Variants in POFUT3 observed in about 807,000 individuals in gnomAD.
POFUT3 encodes protein O-fucosyltransferase 3.
At chr8:33,454,373 C>T in the POFUT3 span, among the ~76,000 whole-genome samples, 3 of 152,154 alleles carry the variant, frequency 2.0e-5, no homozygotes, top group Admixed American at 6.6e-5. Context: ...CTGATATCAC[C>T]TCTTCTCTCT....
the POFUT3 span, among the ~76,000 whole-genome samples, chr8:33,470,088 C>A: frequency 2.0e-5 from 3 of 151,532 alleles, no homozygotes; most frequent in African/African-American, 7.3e-5. Flanking sequence ...CCATGGCGCC[C>A]GGCAAGAAGC....
the POFUT3 span, among the ~76,000 whole-genome samples, chr8:33,385,640 G>T: frequency 2.0e-5 from 3 of 152,100 alleles, no homozygotes; most frequent in African/African-American, 7.2e-5. Flanking sequence ...CTGGCACTTT[G>T]GGAGGCCAAG....
chr8:33,401,700 A>G, the POFUT3 span, among the ~76,000 whole-genome samples: 1 of 152,078 alleles, frequency 6.6e-6, no homozygotes, highest in Admixed American at 6.6e-5. Context: ...TATTCTCCCA[A>G]TTATTCCACT....
the POFUT3 span, among the ~76,000 whole-genome samples, chr8:33,376,061 G>C: frequency 3.3e-5 from 5 of 151,608 alleles, no homozygotes; most frequent in African/African-American, 4.8e-5. Context: ...AGAAACATTG[G>C]GTAAATACCA....
chr8:33,330,958 G>C, the POFUT3 span, among the ~76,000 whole-genome samples: 1 of 152,018 alleles, frequency 6.6e-6, no homozygotes, highest in Non-Finnish European at 1.5e-5. Context: ...TAATCCCAGC[G>C]CCCAGCATGC....
chr8:33,365,792 T>G, the POFUT3 span, among the ~76,000 whole-genome samples: 1 of 152,222 alleles, frequency 6.6e-6, no homozygotes, highest in Non-Finnish European at 1.5e-5. Context: ...ATAGGAATGC[T>G]TTTACACTGT....
At chr8:33,344,220 A>T in the POFUT3 span, among the ~76,000 whole-genome samples, 2 of 152,112 alleles carry the variant, frequency 1.3e-5, no homozygotes, top group Non-Finnish European at 2.9e-5. Context: ...AAAAATGTCA[A>T]GTCTGGATAC....
chr8:33,311,138 T>C, the POFUT3 span, among the ~76,000 whole-genome samples: 1 of 152,248 alleles, frequency 6.6e-6, no homozygotes, highest in African/African-American at 2.4e-5. Flanking sequence ...CCTTGCTTTA[T>C]TTGCTATTAC....
At chr8:33,372,963 C>T in the POFUT3 span, among the ~76,000 whole-genome samples, 4 of 152,112 alleles carry the variant, frequency 2.6e-5, no homozygotes, top group Non-Finnish European at 5.9e-5. Context: ...TTATGGTAAG[C>T]ATATTGAATA....
At chr8:33,408,957 G>C in the POFUT3 span, among the ~76,000 whole-genome samples, 1 of 151,938 alleles carries the variant, frequency 6.6e-6, no homozygotes, top group Non-Finnish European at 1.5e-5. Context: ...TTAAAGTGTT[G>C]GTTTTAAAAA....
the POFUT3 span, among the ~76,000 whole-genome samples, chr8:33,471,875 T>C: frequency 8.5e-5 from 13 of 152,284 alleles, no homozygotes; most frequent in African/African-American, 3.1e-4. Context: ...ACCTGAATGA[T>C]CACCTGAGGC....
At chr8:33,444,110 GAGGGCTTC>G in the POFUT3 span, among the ~76,000 whole-genome samples, 1 of 151,930 alleles carries the variant, frequency 6.6e-6, no homozygotes, top group East Asian at 1.9e-4. Flanking sequence ...AAAGGAGTAA[GAGGGCTTC>G]AGGGAGTGAT....
At chr8:33,430,232 G>A in the POFUT3 span, among the ~76,000 whole-genome samples, 2 of 152,056 alleles carry the variant, frequency 1.3e-5, no homozygotes, top group African/African-American at 4.8e-5. Context: ...TACAAGATGA[G>A]CAAAAGCCAA....
At chr8:33,316,870 A>C in the POFUT3 span, among the ~76,000 whole-genome samples, 1 of 152,092 alleles carries the variant, frequency 6.6e-6, no homozygotes, top group Admixed American at 6.6e-5. Flanking sequence ...CTTCCTTCCC[A>C]TGATCCTATG....
chr8:33,340,086 A>G, the POFUT3 span, among the ~76,000 whole-genome samples: 2 of 152,166 alleles, frequency 1.3e-5, no homozygotes, highest in Admixed American at 6.5e-5. Flanking sequence ...CAATTCTATT[A>G]TAAGTGGAGA....
At chr8:33,366,662 C>T in the POFUT3 span, among the ~76,000 whole-genome samples, 2 of 152,166 alleles carry the variant, frequency 1.3e-5, no homozygotes, top group African/African-American at 2.4e-5. Context: ...GGTGGATATT[C>T]GTTTTCCAAA....
chr8:33,334,137 A>G, the POFUT3 span, among the ~76,000 whole-genome samples: 1 of 152,142 alleles, frequency 6.6e-6, no homozygotes, highest in African/African-American at 2.4e-5. Context: ...GTAACTGCCA[A>G]CATAGGGGTC....
At chr8:33,351,189 A>C in the POFUT3 span, among the ~76,000 whole-genome samples, 6 of 152,186 alleles carry the variant, frequency 3.9e-5, no homozygotes, top group African/African-American at 1.4e-4. Context: ...TCCTGACCTC[A>C]GGTGATCCAC....
the POFUT3 span, chr8:33,372,278 GTAC>G: frequency 6.3e-6 from 7 of 1,110,570 alleles, no homozygotes; most frequent in Non-Finnish European, 6.6e-6. Context: ...CACAAGGAAA[GTAC>G]TCACTCTAGG....
Sources: allele counts gnomAD v4.1 joint callset (sites outside exome capture counted in the v4.1 genomes callset), GRCh38; gene constraint gnomAD v4.1.1; transcripts MANE v1.5; gene names NCBI Gene and HGNC (gene_info 2026-07-23, HGNC 2026-07-21).